KCNMA1: variants seen among roughly 807,000 people sequenced by gnomAD.
KCNMA1 encodes Calcium-activated potassium channel subunit alpha-1.
KCNMA1 carries 29 observed loss-of-function variants against 140.0 expected under a neutral mutation model. The ratio of observed to expected loss-of-function variants is 0.21; its 90% confidence interval spans 0.15 to 0.28. The LOEUF is 0.28. Ranked by LOEUF, KCNMA1 falls within the 10% of genes least tolerant of loss-of-function variation. The pLI is 1.00. For synonymous variants in KCNMA1, 612 were observed against 611.9 expected (o/e 1.00, Z 0.00); for missense variants, 880 against 1,602.2 (o/e 0.55, Z 7.70).
intron 3 of KCNMA1, among the ~76,000 whole-genome samples, chr10:77,219,266 G>T (rs951605456): frequency 1.3e-5 from 2 of 152,112 alleles, no homozygotes; most frequent in African/African-American, 4.8e-5. Context: ...TAATACAATC[G>T]TGACGACATG....
At chr10:77,113,045 T>G (rs184430260) in intron 6 of KCNMA1, among the ~76,000 whole-genome samples, 1 of 152,302 alleles carries the variant, frequency 6.6e-6, no homozygotes, top group East Asian at 1.9e-4. Flanking sequence ...ATATCTCCAG[T>G]TGCCCCAAAA....
chr10:77,589,347 G>A (rs1239005455), intron 1 of KCNMA1, among the ~76,000 whole-genome samples: 2 of 152,214 alleles, frequency 1.3e-5, no homozygotes, highest in African/African-American at 2.4e-5. Context: ...GCACATGGAC[G>A]GCCCTTCTTG....
chr10:76,898,965 A>G (rs2043852684), intron 25 of KCNMA1, among the ~76,000 whole-genome samples: 1 of 152,100 alleles, frequency 6.6e-6, no homozygotes, highest in Non-Finnish European at 1.5e-5. Context: ...TTATGACAAT[A>G]TAACTGAAAA....
At chr10:77,124,618 T>A (rs2097694424) in intron 5 of KCNMA1, among the ~76,000 whole-genome samples, 1 of 152,200 alleles carries the variant, frequency 6.6e-6, no homozygotes, top group Non-Finnish European at 1.5e-5. Flanking sequence ...AAGACCCCTG[T>A]GGGCTGAACA....
chr10:77,236,389 C>T (rs1370436270), intron 3 of KCNMA1, among the ~76,000 whole-genome samples: 3 of 152,132 alleles, frequency 2.0e-5, no homozygotes, highest in Non-Finnish European at 4.4e-5. Flanking sequence ...CATTATCGAA[C>T]CTGAAGGTGA....
intron 1 of KCNMA1, among the ~76,000 whole-genome samples, chr10:77,545,645 G>C (rs1460469408): frequency 6.6e-6 from 1 of 152,184 alleles, no homozygotes; most frequent in Non-Finnish European, 1.5e-5. Flanking sequence ...TATTCTCCCA[G>C]GACTTTGAGC....
chr10:77,422,205 A>C (rs2096881198), intron 1 of KCNMA1, among the ~76,000 whole-genome samples: 1 of 152,224 alleles, frequency 6.6e-6, no homozygotes. Context: ...GAGACGGCAG[A>C]ATTTAGAGGA....
chr10:77,150,557 A>C (rs993476), intron 5 of KCNMA1, among the ~76,000 whole-genome samples: 1,606 of 152,332 alleles, frequency 0.011, 27 homozygotes, highest in African/African-American at 0.036. Flanking sequence ...AATCACCAAA[A>C]ATAAAAGCAA....
At chr10:77,131,763 G>A (rs1046901148) in intron 5 of KCNMA1, among the ~76,000 whole-genome samples, 27 of 152,046 alleles carry the variant, frequency 1.8e-4, no homozygotes, top group Admixed American at 1.1e-3. Flanking sequence ...TCAGGAGTTC[G>A]AGACCAGCCT....
intron 5 of KCNMA1, among the ~76,000 whole-genome samples, chr10:77,145,314 C>T (rs2098269051): frequency 1.3e-5 from 2 of 152,174 alleles, no homozygotes; most frequent in Non-Finnish European, 2.9e-5. Context: ...ATCTGTTCAT[C>T]ACAAGAAAGG....
chr10:76,979,018 C>T (rs1036131769), intron 19 of KCNMA1, among the ~76,000 whole-genome samples: 1 of 152,074 alleles, frequency 6.6e-6, no homozygotes, highest in Admixed American at 6.6e-5. Flanking sequence ...TTTTGGGTCT[C>T]CTCTTAAATT....
At chr10:77,328,608 G>T (rs1028167020) in intron 2 of KCNMA1, among the ~76,000 whole-genome samples, 3 of 152,210 alleles carry the variant, frequency 2.0e-5, no homozygotes, top group Non-Finnish European at 4.4e-5. Flanking sequence ...AAAGAGACAA[G>T]TGGACAAAGA....
intron 16 of KCNMA1, chr10:77,020,026 T>C (rs747240994): frequency 6.6e-6 from 1 of 152,166 alleles, no homozygotes; most frequent in Non-Finnish European, 1.5e-5. Flanking sequence ...AAAAGCAGAA[T>C]ACAAGATTGT....
chr10:77,169,403 T>A (rs1257379854), intron 5 of KCNMA1, among the ~76,000 whole-genome samples: 1 of 152,134 alleles, frequency 6.6e-6, no homozygotes, highest in Non-Finnish European at 1.5e-5. Context: ...TTTTATTTTT[T>A]TTTTAAGATG....
At chr10:77,145,005 A>G (rs2098261296) in intron 5 of KCNMA1, among the ~76,000 whole-genome samples, 1 of 152,198 alleles carries the variant, frequency 6.6e-6, no homozygotes, top group Admixed American at 6.5e-5. Context: ...TTCTCCTCCA[A>G]AAATCTGCCA....
intron 1 of KCNMA1, among the ~76,000 whole-genome samples, chr10:77,550,939 C>G (rs2062689598): frequency 6.6e-6 from 1 of 152,184 alleles, no homozygotes; most frequent in African/African-American, 2.4e-5. Flanking sequence ...ACAAAGCCCA[C>G]TCAGGGGACA....
At chr10:77,600,918 C>T (rs2082435839) in intron 1 of KCNMA1, among the ~76,000 whole-genome samples, 1 of 152,196 alleles carries the variant, frequency 6.6e-6, no homozygotes, top group Non-Finnish European at 1.5e-5. Flanking sequence ...CTCCCCCTCC[C>T]AGGCTCCAGG....
chr10:77,150,484 T>C (rs987438258), intron 5 of KCNMA1, among the ~76,000 whole-genome samples: 21 of 152,242 alleles, frequency 1.4e-4, no homozygotes, highest in African/African-American at 5.1e-4. Context: ...AGTTCTTTTC[T>C]GGGAGCTGTT....
chr10:77,527,905 T>C (rs1451701982), intron 1 of KCNMA1, among the ~76,000 whole-genome samples: 1 of 152,092 alleles, frequency 6.6e-6, no homozygotes, highest in African/African-American at 2.4e-5. Context: ...ACAGGCTCCA[T>C]CCAGGATGTT....
Sources: gnomAD v4.1 joint callset for allele counts (sites outside exome capture counted in the v4.1 genomes callset) on GRCh38, gnomAD v4.1.1 for gene constraint, MANE v1.5 for transcripts, NCBI Gene and HGNC (gene_info 2026-07-23, HGNC 2026-07-21) for gene names.